The following PARD3 variants were observed in gnomAD, a reference collection of about 807,000 sequenced individuals.
PARD3 encodes par-3 family cell polarity regulator.
Under a neutral mutation model 155.4 loss-of-function variants are expected in PARD3, and 75 were observed. The ratio of observed to expected loss-of-function variants is 0.48; its 90% CI spans 0.40 to 0.58. PARD3 has a LOEUF of 0.58. PARD3 is among the 20% of genes least tolerant of loss of function. PARD3 has a pLI of 0.00. For missense variants in PARD3, 1,642 were observed against 1,721.7 expected (o/e 0.95, Z 0.82); for synonymous variants, 576 against 610.5 (o/e 0.94, Z 0.83).
At chr10:34,355,720 A>G (rs1403027029) in intron 14 of PARD3, among the ~76,000 whole-genome samples, 1 of 152,032 alleles carries the variant, frequency 6.6e-6, no homozygotes, top group Non-Finnish European at 1.5e-5. Context: ...CAAGGTCAGG[A>G]GTTTGAGACC....
chr10:34,576,715 C>A (rs188628273), intron 2 of PARD3, among the ~76,000 whole-genome samples: 1 of 152,142 alleles, frequency 6.6e-6, no homozygotes, highest in Admixed American at 6.5e-5. Context: ...AGTCTCCAAC[C>A]CAAAGATAAT....
intron 24 of PARD3, 127 bp from the exon 25 acceptor site, chr10:34,111,689 G>T: frequency 2.7e-6 from 2 of 751,650 alleles, no homozygotes; most frequent in Non-Finnish European, 2.2e-6. Context: ...CTCATCACAT[G>T]CCAGACACTG....
At chr10:34,485,329 C>T (rs1453642178) in intron 3 of PARD3, among the ~76,000 whole-genome samples, 2 of 134,056 alleles carry the variant, frequency 1.5e-5, no homozygotes, top group Non-Finnish European at 3.1e-5. Flanking sequence ...CAGAGCAAGA[C>T]TCTGTCTCAA....
At chr10:34,215,993 T>C (rs1951985832) in intron 22 of PARD3, among the ~76,000 whole-genome samples, 1 of 152,182 alleles carries the variant, frequency 6.6e-6, no homozygotes, top group South Asian at 2.1e-4. Flanking sequence ...AATTGCTCTA[T>C]GAAAACAAAT....
Position 34,311,746 on chromosome 10 carries a change from C to G in PARD3, c.3065+5361G>C, listed in dbSNP as rs538143971. ...AAATTTATTTTCCTACACCACCACC[C>G]CCCTGCCAACCACCCATTTTTGGTC... On this transcript the variant is annotated intron_variant, in intron 20 of 24. Coordinates refer to ENST00000374788, the MANE Select transcript of PARD3 (RefSeq NM_001184785.2). Among the ~76,000 whole-genome samples, 7 of 151,300 alleles carry G rather than the reference C, an allele frequency of 4.6e-5. No homozygotes were observed. In the East Asian group the frequency reaches 5.8e-4, roughly 12 times the overall value.
chr10:34,266,242 T>G (rs1430261582), intron 22 of PARD3, among the ~76,000 whole-genome samples: 1 of 142,030 alleles, frequency 7.0e-6, no homozygotes, highest in Non-Finnish European at 1.5e-5. Context: ...AAAAAAAAAA[T>G]TCCTATACTC....
intron 18 of PARD3, among the ~76,000 whole-genome samples, chr10:34,335,343 G>A (rs1372077088): frequency 6.6e-6 from 1 of 151,872 alleles, no homozygotes; most frequent in Non-Finnish European, 1.5e-5. Context: ...ATTTACTACT[G>A]CAAGTTAAAA....
intron 22 of PARD3, among the ~76,000 whole-genome samples, chr10:34,242,969 T>G (rs1397145681): frequency 2.0e-5 from 3 of 152,188 alleles, no homozygotes; most frequent in Admixed American, 6.5e-5. Context: ...ATGGAACCAA[T>G]TCTCCATTTG....
chr10:34,560,033 T>C (rs1365212448), intron 2 of PARD3, among the ~76,000 whole-genome samples: 2 of 152,152 alleles, frequency 1.3e-5, no homozygotes, highest in Non-Finnish European at 2.9e-5. Flanking sequence ...ATATAATTAT[T>C]TATCTGCATC....
chr10:34,126,468 A>G (rs1306246416), intron 23 of PARD3, among the ~76,000 whole-genome samples: 2 of 152,200 alleles, frequency 1.3e-5, no homozygotes, highest in Non-Finnish European at 2.9e-5. Flanking sequence ...TTCAACTAAT[A>G]TGGGCTCAGT....
chr10:34,695,239 G>C (rs970140031), intron 2 of PARD3, among the ~76,000 whole-genome samples: 8 of 152,144 alleles, frequency 5.3e-5, no homozygotes, highest in Non-Finnish European at 8.8e-5. Flanking sequence ...CACTTTGAGA[G>C]GCCAAAGCAG....
intron 2 of PARD3, among the ~76,000 whole-genome samples, chr10:34,599,785 T>C (rs2089606036): frequency 6.6e-6 from 1 of 152,248 alleles, no homozygotes; most frequent in African/African-American, 2.4e-5. Context: ...GCAATGCCCT[T>C]TCTTTCCACT....
intron 2 of PARD3, among the ~76,000 whole-genome samples, chr10:34,652,223 A>G (rs1054385870): frequency 6.6e-6 from 1 of 152,222 alleles, no homozygotes; most frequent in African/African-American, 2.4e-5. Context: ...GAAATTCTGT[A>G]AACACTAGCC....
chr10:34,194,136 A>G (rs1263874280), intron 22 of PARD3, among the ~76,000 whole-genome samples: 2 of 152,198 alleles, frequency 1.3e-5, no homozygotes, highest in Non-Finnish European at 2.9e-5. Context: ...ACATATTGAG[A>G]GTAATTTTAG....
At chr10:34,762,246 C>CAGGG (rs1314203871) in intron 1 of PARD3, among the ~76,000 whole-genome samples, 2 of 143,760 alleles carry the variant, frequency 1.4e-5, no homozygotes, top group East Asian at 4.4e-4. Context: ...AAGAGAGAGG[C>CAGGG]AGGGAGGGAG....
At position 34,156,759 on chromosome 10, in the gene PARD3, T is replaced by C. The variant is rs941024806; in HGVS notation, c.3420-25176A>G. On this transcript the variant is annotated intron_variant, in intron 22 of 24. Transcript: ENST00000374788. ...CTCGCCCAGGCCCCTGCAGCTTCCA[T>C]GCTCTTCTCATGAGACCAAACGACT... Among the ~76,000 whole-genome samples the C allele has an allele frequency of 2.0e-5, 3 of 152,316 alleles. No individual in the cohort carries two copies. In the South Asian group the frequency reaches 6.2e-4, roughly 32 times the overall value.
intron 22 of PARD3, among the ~76,000 whole-genome samples, chr10:34,203,593 TG>T (rs1370509727): frequency 1.3e-5 from 2 of 152,346 alleles, no homozygotes; most frequent in Non-Finnish European, 2.9e-5. Flanking sequence ...ACAATGCAAA[TG>T]CTATGTAAAT....
intron 2 of PARD3, among the ~76,000 whole-genome samples, chr10:34,538,581 C>A (rs1017380544): frequency 6.6e-6 from 1 of 152,324 alleles, no homozygotes. Context: ...GTAAGTTTCA[C>A]TTCACTCTTT....
At chr10:34,359,466 G>A (rs946103775) in intron 13 of PARD3, 149 bp from the exon 14 acceptor site, 20 of 586,786 alleles carry the variant, frequency 3.4e-5, no homozygotes, top group South Asian at 2.4e-4. Flanking sequence ...CCAATTGAAC[G>A]CTGGCATAAT....
Sources: allele counts gnomAD v4.1 joint callset (sites outside exome capture counted in the v4.1 genomes callset), GRCh38; gene constraint gnomAD v4.1.1; transcripts MANE v1.5; gene names NCBI Gene and HGNC (gene_info 2026-07-23, HGNC 2026-07-21).